Variants in CXCL12 observed in about 807,000 individuals in gnomAD.
CXCL12 encodes C-X-C motif chemokine ligand 12.
Under a neutral mutation model 10.7 loss-of-function variants are expected in CXCL12, and 4 were observed. That is an observed-to-expected ratio of 0.37 (90% CI 0.18 to 0.86). The LOEUF is 0.86. CXCL12 is among the 40% of genes least tolerant of loss of function. The probability of loss-of-function intolerance (pLI) is 0.43; values close to 1 mark genes in which losing one functional copy is unlikely to be tolerated. For synonymous variants in CXCL12, 54 were observed against 45.4 expected, an observed-to-expected ratio of 1.19 and a Z score of -0.77; for missense variants, 122 against 110.4, an observed-to-expected ratio of 1.10 and a Z score of -0.47.
chr10:44,377,477 G>A lies in CXCL12; in HGVS notation c.*1156C>T, dbSNP rs17881297. ...ATACCACCAGGACCTTCTGTGGATCGCATTTATGCATGGAAATGTCACCTT... is the reference window on the plus strand; with the variant it reads ...ATACCACCAGGACCTTCTGTGGATCACATTTATGCATGGAAATGTCACCTT... On this transcript the variant is annotated 3_prime_UTR_variant, in exon 3 of 3. Coordinates refer to ENST00000343575, the MANE Select transcript of CXCL12 (RefSeq NM_199168.4). 5.8e-3 allele frequency: 7,487 copies of A among 1,300,824 alleles called. 25 individuals are homozygous for A. Among genetic ancestry groups the A allele is most frequent in the Non-Finnish European group, 6.6e-3 (6,724 of 1,026,116 alleles). 80.6% of individuals were successfully genotyped at this position (1,300,824 alleles called of 1,614,324 possible). A position where few individuals can be genotyped will look rare whatever the true frequency, so the allele number is the denominator to read the frequency against.
In CXCL12 at chr10:44,380,784, G is replaced by A; in HGVS notation, c.158C>T (p.Pro53Leu). 6.2e-7 allele frequency: 1 copy of A among 1,613,848 alleles called. No homozygotes were observed. Among genetic ancestry groups the A allele is most frequent in the Admixed American group, 1.7e-5 (1 of 60,022 alleles). ...NVKHLKILNT[P>L]NCALQIVARL... ...TTACACAATCTGAAGGGCACAGTTTGGAGTGTTGAGAATTTTGAGATGCTT... is the reference window on the plus strand; with the variant it reads ...TTACACAATCTGAAGGGCACAGTTTAGAGTGTTGAGAATTTTGAGATGCTT... Residue 53 changes from proline to leucine, a missense_variant, in exon 2 of 3, where the codon CCA becomes CTA. Pro to Leu is a moderately conservative substitution (Grantham distance 98). Transcript: ENST00000343575.
Position 44,378,704 on chromosome 10 carries a change from T to C in CXCL12, c.199A>G (p.Asn67Asp), listed in dbSNP as rs1269292683. ...LQIVARLKNNNRQVCIDPKLK... is the reference protein window; with the variant it reads ...LQIVARLKNNDRQVCIDPKLK... The stretch of plus-strand genomic sequence containing the variant: ...TTCGGGTCAATGCACACTTGTCTGT[T>C]GTTGTTCTTCAGCCGGGCTCTGTGA... The change falls in exon 3 of 3, where the codon AAC (asparagine) becomes GAC (aspartate). Residue 67 changes from asparagine (N) to aspartate (D), a missense_variant. Asn to Asp is a conservative substitution (Grantham distance 23). Coordinates refer to ENST00000343575, the MANE Select transcript of CXCL12 (RefSeq NM_199168.4). 1 of 1,614,104 alleles carries C rather than the reference T, an allele frequency of 6.2e-7. No individual in the cohort carries two copies. Among genetic ancestry groups the C allele is most frequent in the Non-Finnish European group, 8.5e-7 (1 of 1,180,040 alleles).
chr10:44,382,139 C>G (rs1338357110), intron 1 of CXCL12, among the ~76,000 whole-genome samples: 1 of 152,190 alleles, frequency 6.6e-6, no homozygotes, highest in Admixed American at 6.5e-5. Context: ...AATGCAACTC[C>G]CTGAAAACCA....
Position 44,385,017 on chromosome 10 carries a change from GCGGGCGGGCGGGCGGACGAGCGCGGGT to G in CXCL12, c.-39_-13del. 6.9e-7 allele frequency: 1 copy of G among 1,452,186 alleles called. No individual in the cohort carries two copies. Among genetic ancestry groups the G allele is most frequent in the Admixed American group, 2.3e-5 (1 of 43,300 alleles). 90.0% of individuals were successfully genotyped at this position (1,452,186 alleles called of 1,614,324 possible). A position where few individuals can be genotyped will look rare whatever the true frequency, so the allele number is the denominator to read the frequency against. ...ACCTTGGCGTTCATGGCGCGGGCGGGCGGGCGGGCGGGCGGACGAGCGCGGGTCGGGGGCCGGACGCCGAGCGGGCAA... is the reference window on the plus strand; with the variant it reads ...ACCTTGGCGTTCATGGCGCGGGCGGGCGGGGGCCGGACGCCGAGCGGGCAA... On this transcript the variant is annotated 5_prime_UTR_variant, in exon 1 of 3. Transcript: ENST00000343575.
At chr10:44,382,917 C>T (rs1839675222) in intron 1 of CXCL12, among the ~76,000 whole-genome samples, 1 of 152,218 alleles carries the variant, frequency 6.6e-6, no homozygotes, top group Non-Finnish European at 1.5e-5. Flanking sequence ...GGATGTAAAT[C>T]CGTGTACCGG....
Position 44,377,396 on chromosome 10 carries a change from TAA to T in CXCL12, c.*1235_*1236del. Reference sequence around the variant, plus strand: ...AATACATTTGTTTTCTAAAGAAACGTAAAAAAAAATGTGCACAAAAATATATA... The same window carrying T: ...AATACATTTGTTTTCTAAAGAAACGTAAAAAAATGTGCACAAAAATATATA... On this transcript the variant is annotated 3_prime_UTR_variant, in exon 3 of 3. Transcript: ENST00000343575. The T allele has an allele frequency of 1.9e-6, 2 of 1,065,268 alleles. No individual in the cohort carries two copies. The highest frequency in any genetic ancestry group is 2.3e-6 in the Non-Finnish European group (2 of 877,378). 66.0% of individuals were successfully genotyped at this position (1,065,268 alleles called of 1,614,324 possible).
Position 44,377,999 on chromosome 10 carries a change from C to A in CXCL12, c.*634G>T. 1 of 1,504,206 alleles carries A rather than the reference C, an allele frequency of 6.6e-7. No individual in the cohort carries two copies. Among genetic ancestry groups the A allele is most frequent in the Admixed American group, 2.5e-5 (1 of 40,354 alleles). 93.2% of individuals were successfully genotyped at this position (1,504,206 alleles called of 1,614,324 possible). A position where few individuals can be genotyped will look rare whatever the true frequency, so the allele number is the denominator to read the frequency against. On this transcript the variant is annotated 3_prime_UTR_variant, in exon 3 of 3. Coordinates refer to ENST00000343575, the MANE Select transcript of CXCL12 (RefSeq NM_199168.4). The stretch of plus-strand genomic sequence containing the variant: ...GGGAGAGGGGTCTCTGAGCACAGTC[C>A]CAGTAATAGTGGCTTCTACATGGAG...
downstream of CXCL12, chr10:44,371,173 G>A (rs893935225): frequency 3.9e-6 from 1 of 253,972 alleles, no homozygotes; most frequent in African/African-American, 2.3e-5. Context: ...CCAGGAAGGA[G>A]CTGATTGTTA....
intron 1 of CXCL12, 80 bp from the exon 2 acceptor site, chr10:44,380,960 G>T: frequency 8.8e-7 from 1 of 1,137,246 alleles, no homozygotes; most frequent in Non-Finnish European, 1.3e-6. Context: ...AGCAGTTGGT[G>T]CAGCGATTAA....
At chr10:44,382,135 A>C (rs1839650947) in intron 1 of CXCL12, among the ~76,000 whole-genome samples, 1 of 152,212 alleles carries the variant, frequency 6.6e-6, no homozygotes, top group South Asian at 2.1e-4. Context: ...ACCAAATGCA[A>C]CTCCCTGAAA....
downstream of CXCL12, among the ~76,000 whole-genome samples, chr10:44,373,521 G>A (rs968428202): frequency 6.6e-6 from 1 of 152,246 alleles, no homozygotes; most frequent in Non-Finnish European, 1.5e-5. Flanking sequence ...GGGAGTGCGA[G>A]ACGCAGCCAG....
At position 44,379,568 on chromosome 10, in the gene CXCL12, C is replaced by T. The variant is rs532753950; in HGVS notation, c.180-845G>A. Among the ~76,000 whole-genome samples the T allele has an allele frequency of 1.6e-4, 25 of 152,260 alleles. 1 individual carries two copies. Among genetic ancestry groups the T allele is most frequent in the African/African-American group, 5.8e-4 (24 of 41,548 alleles). On this transcript the variant is annotated intron_variant, in intron 2 of 2. Coordinates refer to ENST00000343575, the MANE Select transcript of CXCL12 (RefSeq NM_199168.4). ...CCAGGGAGTCTTCAAGCAGCCTGTCCATTAGGTGAAGAGGGGTGCAGAGAT... is the reference window on the plus strand; with the variant it reads ...CCAGGGAGTCTTCAAGCAGCCTGTCTATTAGGTGAAGAGGGGTGCAGAGAT...
chr10:44,380,159 C>A (rs1418801554), intron 2 of CXCL12, among the ~76,000 whole-genome samples: 1 of 152,198 alleles, frequency 6.6e-6, no homozygotes, highest in South Asian at 2.1e-4. Flanking sequence ...GTCTTCTGTA[C>A]CCAGCTGAGA....
downstream of CXCL12, chr10:44,374,793 G>C (rs1436731428): frequency 2.4e-6 from 1 of 410,396 alleles, no homozygotes; most frequent in Non-Finnish European, 4.9e-6. Flanking sequence ...CCCAGGATCC[G>C]GGTGCAGGGT....
At chr10:44,372,570 G>C, downstream of CXCL12, 1 of 1,071,812 alleles carries the variant, frequency 9.3e-7, no homozygotes, top group East Asian at 3.9e-5. Flanking sequence ...GGTAACACAA[G>C]ACATTTTCAT....
chr10:44,374,577 AG>A (rs1839402278), downstream of CXCL12: 1 of 455,922 alleles, frequency 2.2e-6, no homozygotes, highest in Non-Finnish European at 4.4e-6. Flanking sequence ...CGGGAAACAA[AG>A]GTCTTTGGCT....
chr10:44,378,033 G>A lies in CXCL12; in HGVS notation c.*600C>T. 6.7e-7 allele frequency: 1 copy of A among 1,487,750 alleles called. No individual in the cohort carries two copies. Among genetic ancestry groups the A allele is most frequent in the Non-Finnish European group, 8.8e-7 (1 of 1,130,404 alleles). The allele number at this position is 1,487,750 out of a possible 1,614,324, so 92.2% of individuals were successfully genotyped here. A position where few individuals can be genotyped will look rare whatever the true frequency, so the allele number is the denominator to read the frequency against. On this transcript the variant is annotated 3_prime_UTR_variant, in exon 3 of 3. Transcript: ENST00000343575. Reference sequence around the variant, plus strand: ...GTGGCTTCTACATGGAGCCCACAGAGCCAATCACTGAGGTTGAAAGAGGAG... The same window carrying A: ...GTGGCTTCTACATGGAGCCCACAGAACCAATCACTGAGGTTGAAAGAGGAG...
chr10:44,376,794 T>G (rs1839465540), downstream of CXCL12, among the ~76,000 whole-genome samples: 2 of 151,758 alleles, frequency 1.3e-5, 1 homozygote, highest in Admixed American at 1.3e-4. Flanking sequence ...ATTACTAGGG[T>G]TGAGTCTCTG....
downstream of CXCL12, chr10:44,374,742 C>T (rs964177667): frequency 1.1e-5 from 5 of 448,590 alleles, no homozygotes; most frequent in African/African-American, 8.0e-5. Flanking sequence ...TGTGCTCCAT[C>T]CTCCAACCAC....
Sources: gnomAD v4.1 joint callset for allele counts (sites outside exome capture counted in the v4.1 genomes callset) on GRCh38, gnomAD v4.1.1 for gene constraint, MANE v1.5 for transcripts, NCBI Gene and HGNC (gene_info 2026-07-23, HGNC 2026-07-21) for gene names.